Variants in CSTF3 observed in about 807,000 individuals in gnomAD.
CSTF3 encodes cleavage stimulation factor subunit 3.
A neutral mutation model predicts 105.8 loss-of-function variants in CSTF3; 29 were observed. That is an observed-to-expected ratio of 0.27 (90% confidence interval 0.20 to 0.37). The LOEUF is 0.37. CSTF3 is among the 10% of genes least tolerant of loss of function. CSTF3 has a pLI of 1.00. For synonymous variants in CSTF3, 252 were observed against 281.9 expected, an observed-to-expected ratio of 0.89 and a Z score of 1.06; for missense variants, 357 against 879.3, an observed-to-expected ratio of 0.41 and a Z score of 7.51.
At chr11:33,133,601 G>A (rs974647903) in intron 3 of CSTF3, among the ~76,000 whole-genome samples, 3 of 152,174 alleles carry the variant, frequency 2.0e-5, no homozygotes, top group African/African-American at 4.8e-5. Flanking sequence ...AGTGGCTTAC[G>A]CCTGTAATCC....
intron 17 of CSTF3, 148 bp from the exon 18 acceptor site, chr11:33,087,289 T>A: frequency 1.3e-6 from 1 of 776,090 alleles, no homozygotes; most frequent in Non-Finnish European, 2.1e-6. Context: ...CTAATGATGG[T>A]AAAGATTGTT....
chr11:33,086,140 G>T (rs114705753), intron 18 of CSTF3, 151 bp from the exon 19 acceptor site: 1 of 392,006 alleles, frequency 2.6e-6, no homozygotes, highest in Non-Finnish European at 4.1e-6. Flanking sequence ...ACCAAAGTGG[G>T]TGAGACAGCA....
rs1429855842 is a variant in CSTF3, at chr11:33,099,731, T to A, written c.827-14A>T. ...AAGCAAACATAACTAAGGGAAGAAA[T>A]TAACAAACAATATTCAATTAAAATA... is the stretch of plus-strand genomic sequence containing the variant. On this transcript the variant is annotated splice_polypyrimidine_tract_variant and intron_variant, in intron 10 of 20. Coordinates refer to ENST00000323959, the MANE Select transcript of CSTF3 (RefSeq NM_001326.3). This position sits in a 1 kb window ranked among gnomAD's most constrained non-coding sequence, Gnocchi z 4.1. 2.7e-6 allele frequency: 4 copies of A among 1,476,270 alleles called. No homozygotes were observed. The South Asian group carries it at 5.0e-5, about 18-fold the overall frequency. 91.4% of individuals were successfully genotyped at this position (1,476,270 alleles called of 1,614,324 possible).
At chr11:33,145,321 C>T (rs2133801959) in intron 1 of CSTF3, among the ~76,000 whole-genome samples, 1 of 152,052 alleles carries the variant, frequency 6.6e-6, no homozygotes, top group South Asian at 2.1e-4. Context: ...CCTATGGTCC[C>T]ACCTACTTGG....
At chr11:33,135,723 T>A (rs909098327) in intron 3 of CSTF3, among the ~76,000 whole-genome samples, 6 of 152,138 alleles carry the variant, frequency 3.9e-5, no homozygotes, top group African/African-American at 1.4e-4. Flanking sequence ...ATGAAAAAAT[T>A]TCCAGGGAAA....
intron 8 of CSTF3, among the ~76,000 whole-genome samples, chr11:33,105,100 T>G (rs141721372): frequency 1.1e-3 from 169 of 152,264 alleles, no homozygotes; most frequent in African/African-American, 3.7e-3. Context: ...ATTTATGTAT[T>G]CAGATTGATT....
chr11:33,127,759 C>A (rs545089530), intron 3 of CSTF3, among the ~76,000 whole-genome samples: 1 of 152,254 alleles, frequency 6.6e-6, no homozygotes, highest in East Asian at 1.9e-4. Context: ...TCAATTTTAA[C>A]CAGTCTTTGG....
intron 3 of CSTF3, among the ~76,000 whole-genome samples, chr11:33,139,086 T>C (rs1297651270): frequency 6.6e-6 from 1 of 151,926 alleles, no homozygotes; most frequent in Non-Finnish European, 1.5e-5. Flanking sequence ...ATTAACCTTT[T>C]TTAAAAGTAA....
intron 3 of CSTF3, among the ~76,000 whole-genome samples, chr11:33,114,616 C>T (rs148269706): frequency 5.3e-5 from 8 of 152,076 alleles, no homozygotes; most frequent in East Asian, 1.9e-4. Context: ...TTTGGGAGGC[C>T]GAGGCGGGTG....
intron 1 of CSTF3, among the ~76,000 whole-genome samples, chr11:33,156,354 G>A (rs1187584909): frequency 6.6e-6 from 1 of 152,106 alleles, no homozygotes; most frequent in African/African-American, 2.4e-5. Context: ...TAAAATTGGC[G>A]ATACTGTTAC....
chr11:33,148,580 C>A (rs1015454403), intron 1 of CSTF3, among the ~76,000 whole-genome samples: 2 of 149,976 alleles, frequency 1.3e-5, no homozygotes, highest in African/African-American at 2.4e-5. Flanking sequence ...CCTGTAGTCT[C>A]ACACACTCAG....
chr11:33,157,457 T>C (rs1353916370), intron 1 of CSTF3, among the ~76,000 whole-genome samples: 1 of 152,174 alleles, frequency 6.6e-6, no homozygotes, highest in Non-Finnish European at 1.5e-5. Context: ...TAAACCTATA[T>C]GCAAATAGTT....
At chr11:33,117,509 A>G (rs955312425) in intron 3 of CSTF3, among the ~76,000 whole-genome samples, 2 of 152,034 alleles carry the variant, frequency 1.3e-5, no homozygotes, top group Non-Finnish European at 2.9e-5. Flanking sequence ...CCAAGATTTT[A>G]TATGTATTAA....
At chr11:33,145,641 A>T (rs948100780) in intron 1 of CSTF3, among the ~76,000 whole-genome samples, 1 of 151,898 alleles carries the variant, frequency 6.6e-6, no homozygotes, top group Non-Finnish European at 1.5e-5. Flanking sequence ...GTGAAACCCC[A>T]TCTCCACTAA....
At chr11:33,158,226 T>A (rs560774469) in intron 1 of CSTF3, among the ~76,000 whole-genome samples, 1 of 152,270 alleles carries the variant, frequency 6.6e-6, no homozygotes, top group South Asian at 2.1e-4. Context: ...GAAGATGACT[T>A]CCTTGTTGAT....
At chr11:33,111,160 G>A (rs1321308105) in intron 3 of CSTF3, among the ~76,000 whole-genome samples, 2 of 152,110 alleles carry the variant, frequency 1.3e-5, no homozygotes, top group African/African-American at 4.8e-5. Context: ...AACCCGGGAG[G>A]CAGAGGTTGC....
intron 3 of CSTF3, among the ~76,000 whole-genome samples, chr11:33,131,621 C>T (rs1418891914): frequency 3.3e-5 from 5 of 151,772 alleles, no homozygotes; most frequent in Non-Finnish European, 7.4e-5. Flanking sequence ...CCGAGGCAGG[C>T]GGATCACGAG....
In CSTF3 at chr11:33,107,662, G is replaced by A. The variant is rs142854662; in HGVS notation, c.356+241C>T. Among the ~76,000 whole-genome samples, 433 of 152,322 alleles carry A rather than the reference G, an allele frequency of 2.8e-3. 3 individuals carry two copies. The highest frequency in any genetic ancestry group is 0.02 in the Middle Eastern group (6 of 294). On this transcript the variant is annotated intron_variant, in intron 5 of 20. Coordinates refer to ENST00000323959, the MANE Select transcript of CSTF3 (RefSeq NM_001326.3). ...AAGTCTGTCAACAAAGTGGTTTGGT[G>A]TTGCAATTATACAGTGTTTCAGTAT...
chr11:33,088,834 G>C (rs1368080148), intron 17 of CSTF3, among the ~76,000 whole-genome samples: 1 of 151,706 alleles, frequency 6.6e-6, no homozygotes, highest in Non-Finnish European at 1.5e-5. Context: ...TCCCAGGCTG[G>C]TCTTGAACTC....
Sources: gnomAD v4.1 joint callset for allele counts (sites outside exome capture counted in the v4.1 genomes callset) on GRCh38, gnomAD v4.1.1 for gene constraint, Gnocchi (gnomAD v3.1) non-coding constraint, MANE v1.5 for transcripts, NCBI Gene and HGNC (gene_info 2026-07-23, HGNC 2026-07-21) for gene names.